The following GRIK4 variants were observed in gnomAD, a reference collection of about 807,000 sequenced individuals.
GRIK4 encodes glutamate receptor ionotropic, kainate 4.
In GRIK4, 40 loss-of-function variants were observed where a neutral mutation model predicts 104.9. That is an observed-to-expected ratio of 0.38 (90% CI 0.30 to 0.50). The LOEUF (loss-of-function observed/expected upper bound fraction) is 0.50. GRIK4 is among the 20% of genes least tolerant of loss of function. GRIK4 has a pLI of 0.93. For synonymous variants in GRIK4, 485 were observed against 524.9 expected (o/e 0.92, Z 1.04); for missense variants, 1,047 against 1,308.1 (o/e 0.80, Z 3.08).
chr11:120,763,847 G>T (rs547679597), intron 3 of GRIK4, among the ~76,000 whole-genome samples: 21 of 152,122 alleles, frequency 1.4e-4, no homozygotes, highest in African/African-American at 4.3e-4. Flanking sequence ...ATTTGCTGAG[G>T]AGTGTTTTAC....
At chr11:120,565,269 C>T (rs897205813) in intron 1 of GRIK4, among the ~76,000 whole-genome samples, 3 of 152,180 alleles carry the variant, frequency 2.0e-5, no homozygotes, top group African/African-American at 7.2e-5. Context: ...ATGGAGGAGC[C>T]GGCGATTAAA....
chr11:120,724,550 C>T (rs1362389046), intron 3 of GRIK4, among the ~76,000 whole-genome samples: 1 of 152,190 alleles, frequency 6.6e-6, no homozygotes, highest in Non-Finnish European at 1.5e-5. Context: ...CGGCCTGGTA[C>T]TGGGTACCCT....
At chr11:120,521,771 A>G (rs745899828) in intron 1 of GRIK4, among the ~76,000 whole-genome samples, 2 of 152,180 alleles carry the variant, frequency 1.3e-5, no homozygotes, top group Non-Finnish European at 2.9e-5. Flanking sequence ...AGGGAGGTTA[A>G]ATGAATCCTA....
chr11:120,512,306 C>T (rs1947671423), intron 1 of GRIK4, among the ~76,000 whole-genome samples: 1 of 151,658 alleles, frequency 6.6e-6, no homozygotes, highest in Admixed American at 6.6e-5. Context: ...CCCAGCCTGG[C>T]GCGTCTCCCC....
chr11:120,761,284 T>C (rs1951744055), intron 3 of GRIK4, among the ~76,000 whole-genome samples: 1 of 152,218 alleles, frequency 6.6e-6, no homozygotes, highest in Non-Finnish European at 1.5e-5. Flanking sequence ...CGCCCACTTT[T>C]TGATGGGGTT....
At chr11:120,514,868 C>G in intron 1 of GRIK4, 1 of 421,112 alleles carries the variant, frequency 2.4e-6, no homozygotes, top group Non-Finnish European at 4.8e-6. Flanking sequence ...CTCCCACTGC[C>G]GTGGTCCCTA....
intron 13 of GRIK4, among the ~76,000 whole-genome samples, chr11:120,907,187 T>C (rs906494536): frequency 2.6e-5 from 4 of 152,340 alleles, no homozygotes; most frequent in Middle Eastern, 3.4e-3. Context: ...AGTTAGACCA[T>C]AGAAAGCCGA....
At chr11:120,554,564 TC>T (rs1254097647) in intron 1 of GRIK4, among the ~76,000 whole-genome samples, 6 of 150,972 alleles carry the variant, frequency 4.0e-5, no homozygotes. Context: ...TTTTTCTTTT[TC>T]TTTTTTTTTT....
chr11:120,732,451 A>T (rs79540430), intron 3 of GRIK4, among the ~76,000 whole-genome samples: 13,283 of 152,138 alleles, frequency 0.087, 696 homozygotes, highest in African/African-American at 0.14. Context: ...GTTCTTTAGG[A>T]TGCATCATTA....
At chr11:120,640,943 C>T (rs778104850) in intron 1 of GRIK4, among the ~76,000 whole-genome samples, 1 of 152,208 alleles carries the variant, frequency 6.6e-6, no homozygotes, top group African/African-American at 2.4e-5. Context: ...AACTCCTGAC[C>T]TCAGGCAATC....
chr11:120,527,174 C>T (rs1397100622), intron 1 of GRIK4, among the ~76,000 whole-genome samples: 5 of 152,338 alleles, frequency 3.3e-5, no homozygotes, highest in Non-Finnish European at 5.9e-5. Context: ...GATCCCGCCT[C>T]GGCTTGCCGG....
chr11:120,977,264 C>T (rs1470801742), intron 19 of GRIK4, among the ~76,000 whole-genome samples: 1 of 152,146 alleles, frequency 6.6e-6, no homozygotes, highest in Non-Finnish European at 1.5e-5. Context: ...GTAAAGCCAT[C>T]TGCCTGCATG....
intron 8 of GRIK4, 35 bp downstream of exon 8, chr11:120,836,879 G>C (rs1953586869): frequency 1.5e-6 from 2 of 1,335,904 alleles, no homozygotes; most frequent in Non-Finnish European, 2.2e-6. Context: ...CCTTGGAAGA[G>C]AGTGTTGTCA....
At chr11:120,873,596 A>T (rs1230381277) in intron 9 of GRIK4, 1 of 158,650 alleles carries the variant, frequency 6.3e-6, no homozygotes, top group African/African-American at 2.4e-5. Flanking sequence ...TATTAGGCAC[A>T]TTTAGGAAGA....
intron 8 of GRIK4, among the ~76,000 whole-genome samples, chr11:120,861,093 CTTTTTTTTTTTTTTTTT>C (rs547199127): frequency 6.2e-4 from 54 of 86,554 alleles, no homozygotes; most frequent in South Asian, 1.6e-3. Context: ...AAATCATCCT[CTTTTTTTTTTTTTTTTT>C]TTTTTTTTTT....
intron 3 of GRIK4, among the ~76,000 whole-genome samples, chr11:120,685,644 C>T (rs1012642645): frequency 3.9e-5 from 6 of 152,176 alleles, no homozygotes; most frequent in African/African-American, 1.4e-4. Flanking sequence ...CCCTATCAAA[C>T]TCATTTTTTT....
chr11:120,951,441 CT>C (rs1413048881), intron 14 of GRIK4, among the ~76,000 whole-genome samples: 1 of 152,202 alleles, frequency 6.6e-6, no homozygotes, highest in African/African-American at 2.4e-5. Flanking sequence ...AGGGAGTTCC[CT>C]TTTGTGTTTC....
intron 1 of GRIK4, among the ~76,000 whole-genome samples, chr11:120,515,534 G>C (rs1444782837): frequency 6.6e-6 from 1 of 152,142 alleles, no homozygotes; most frequent in Non-Finnish European, 1.5e-5. Context: ...CCTCTGTATG[G>C]GCTGGCTGAG....
chr11:120,633,042 T>G (rs1327446309), intron 1 of GRIK4, among the ~76,000 whole-genome samples: 1 of 152,054 alleles, frequency 6.6e-6, no homozygotes, highest in Non-Finnish European at 1.5e-5. Flanking sequence ...AAACAGATGA[T>G]GGCACCTTGG....
Sources: allele counts gnomAD v4.1 joint callset (sites outside exome capture counted in the v4.1 genomes callset), GRCh38; gene constraint gnomAD v4.1.1; transcripts MANE v1.5; gene names NCBI Gene and HGNC (gene_info 2026-07-23, HGNC 2026-07-21).